The following MRPL32 variants were observed in gnomAD, a reference collection of about 807,000 sequenced individuals.
The protein encoded by MRPL32 is large ribosomal subunit protein bL32m.
In MRPL32, 14 loss-of-function variants were observed where a neutral mutation model predicts 21.7. The observed-to-expected ratio is 0.64, with a 90% CI of 0.43 to 1.01. The LOEUF (loss-of-function observed/expected upper bound fraction) is 1.01, where lower values mean the gene tolerates loss of function less well. Among genes scored for constraint, MRPL32 ranks in the 50% least tolerant of loss-of-function variants. The probability of loss-of-function intolerance (pLI) is 0.00; values close to 1 mark genes in which losing one functional copy is unlikely to be tolerated. For missense variants in MRPL32, 211 were observed against 235.9 expected (o/e 0.89, Z 0.69); for synonymous variants, 83 against 87.7 (o/e 0.95, Z 0.30).
chr7:42,937,222 C>T (rs1426707938), intron 2 of MRPL32, 100 bp from the exon 3 acceptor site: 1 of 1,604,894 alleles, frequency 6.2e-7, no homozygotes. Flanking sequence ...GTAGCCTGAA[C>T]ATCCTAAGAA....
chr7:42,936,688 C>CTA (rs1491074878), intron 2 of MRPL32: 1 of 147,798 alleles, frequency 6.8e-6, no homozygotes, highest in Admixed American at 6.8e-5. Context: ...ATATCTATCT[C>CTA]TATATATATA....
intron 1 of MRPL32, among the ~76,000 whole-genome samples, chr7:42,933,304 A>G (rs1265926695): frequency 4.6e-5 from 7 of 152,164 alleles, no homozygotes; most frequent in Non-Finnish European, 8.8e-5. Flanking sequence ...TTATGCTGCT[A>G]GAAACTATGC....
rs746793260 is a variant in MRPL32 at position 42,935,169 on chromosome 7, C to T, written c.312+33C>T. The stretch of plus-strand genomic sequence containing the variant: ...ATTGATTTTTGTGGGTGTGCTTTTC[C>T]TCAAGTCCTCCATTGAATAAGCTCA... On this transcript the variant is annotated intron_variant, in intron 2 of 2. Transcript: ENST00000223324. 3.8e-6 allele frequency: 6 copies of T among 1,573,150 alleles called. No individual in the cohort carries two copies. The Admixed American group carries it at 7.1e-5, about 19-fold the overall frequency.
chr7:42,932,883 C>T (rs1404924718), intron 1 of MRPL32, among the ~76,000 whole-genome samples: 1 of 151,842 alleles, frequency 6.6e-6, no homozygotes, highest in Non-Finnish European at 1.5e-5. Context: ...TGACTTTGGG[C>T]GTTTTAAAGG....
At chr7:42,934,741 G>A (rs598810) in intron 1 of MRPL32, among the ~76,000 whole-genome samples, 135,777 of 152,232 alleles carry the variant, frequency 0.89, 60,773 homozygotes, top group East Asian at 1. Flanking sequence ...AGCAGGATCC[G>A]CTAAGAAAAA....
intron 2 of MRPL32, chr7:42,936,276 G>C (rs1440756027): frequency 6.6e-6 from 1 of 152,158 alleles, no homozygotes; most frequent in Non-Finnish European, 1.5e-5. Flanking sequence ...TTCTTATCCT[G>C]TGCATTTATT....
chr7:42,932,662 A>G, intron 1 of MRPL32, 146 bp downstream of exon 1: 1 of 761,530 alleles, frequency 1.3e-6, no homozygotes. Flanking sequence ...TTCCCATATT[A>G]GCGAGAACAG....
intron 2 of MRPL32, chr7:42,937,101 C>T: frequency 1.8e-6 from 2 of 1,092,768 alleles, no homozygotes; most frequent in Non-Finnish European, 2.6e-6. Flanking sequence ...ATACCAGATT[C>T]AGGTTGGCTG....
At chr7:42,934,665 G>C (rs144103167) in intron 1 of MRPL32, among the ~76,000 whole-genome samples, 1 of 152,268 alleles carries the variant, frequency 6.6e-6, no homozygotes, top group South Asian at 2.1e-4. Flanking sequence ...TTCAAGTTAG[G>C]TGCCTATCAG....
chr7:42,933,722 C>A (rs1307711949), intron 1 of MRPL32, among the ~76,000 whole-genome samples: 2 of 152,052 alleles, frequency 1.3e-5, no homozygotes, highest in African/African-American at 4.8e-5. Context: ...AAATATATGC[C>A]ACTATATGCC....
rs1786451985 is a variant in MRPL32 at position 42,937,692 on chromosome 7, T to C, written c.*116T>C. ...CATCAGTATAGTTTAACACATTCTT[T>C]CTAAGCAGTTTTGTGTGGGATAATT... On this transcript the variant is annotated 3_prime_UTR_variant, in exon 3 of 3. Transcript: ENST00000223324. 3.5e-6 allele frequency: 4 copies of C among 1,147,782 alleles called. No individual in the cohort carries two copies. The highest frequency in any genetic ancestry group is 4.8e-6 in the Non-Finnish European group (4 of 841,760). 71.1% of individuals were successfully genotyped at this position (1,147,782 alleles called of 1,614,324 possible).
chr7:42,934,084 C>T (rs1786380995), intron 1 of MRPL32, among the ~76,000 whole-genome samples: 1 of 152,106 alleles, frequency 6.6e-6, no homozygotes, highest in Non-Finnish European at 1.5e-5. Flanking sequence ...GCCTGGCCAA[C>T]ATTGTGAAAC....
intron 1 of MRPL32, 48 bp from the exon 2 acceptor site, chr7:42,934,907 T>A: frequency 5.6e-6 from 8 of 1,428,294 alleles, no homozygotes; most frequent in Non-Finnish European, 6.6e-6. Flanking sequence ...TAAATAGTAA[T>A]TTAGAAGCTA....
At position 42,934,928 on chromosome 7, in the gene MRPL32, C is replaced by G; in HGVS notation, c.131-27C>G. 5 of 1,503,802 alleles carry G rather than the reference C, an allele frequency of 3.3e-6. No homozygotes were observed. In the South Asian group the frequency reaches 5.4e-5, roughly 16 times the overall value. 93.2% of individuals were successfully genotyped at this position (1,503,802 alleles called of 1,614,324 possible). On this transcript the variant is annotated intron_variant, in intron 1 of 2. Coordinates refer to ENST00000223324, the MANE Select transcript of MRPL32 (RefSeq NM_031903.3). ...GTAATTTAGAAGCTAGAAACTAATT[C>G]TGTATCTCTTATGTTTTATTTCCTA...
chr7:42,934,684 A>G (rs1192927246), intron 1 of MRPL32, among the ~76,000 whole-genome samples: 1 of 152,172 alleles, frequency 6.6e-6, no homozygotes, highest in Non-Finnish European at 1.5e-5. Context: ...AGAGTCCTGT[A>G]TTTTATGAGA....
intron 2 of MRPL32, chr7:42,936,829 G>T: frequency 4.2e-6 from 1 of 236,038 alleles, no homozygotes; most frequent in Non-Finnish European, 8.5e-6. Context: ...CCTGTATTCT[G>T]TACAGGAATT....
rs755119679 is a variant in MRPL32 at position 42,935,148 on chromosome 7, A to G, written c.312+12A>G. Reference sequence around the variant, plus strand: ...TTATTAAAGTTAAGGTAATGCATTGATTTTTGTGGGTGTGCTTTTCCTCAA... The same window carrying G: ...TTATTAAAGTTAAGGTAATGCATTGGTTTTTGTGGGTGTGCTTTTCCTCAA... On this transcript the variant is annotated intron_variant, in intron 2 of 2. Coordinates refer to ENST00000223324, the MANE Select transcript of MRPL32 (RefSeq NM_031903.3). 1 of 1,603,068 alleles carries G rather than the reference A, an allele frequency of 6.2e-7. No individual in the cohort carries two copies. Among genetic ancestry groups the G allele is most frequent in the South Asian group, 1.1e-5 (1 of 89,354 alleles).
At position 42,937,829 on chromosome 7, in the gene MRPL32, A is replaced by C; in HGVS notation, c.*253A>C. 1 of 315,522 alleles carries C rather than the reference A, an allele frequency of 3.2e-6. No homozygotes were observed. Among genetic ancestry groups the C allele is most frequent in the Non-Finnish European group, 5.7e-6 (1 of 175,388 alleles). The allele number at this position is 315,522 out of a possible 1,614,324, so 19.5% of individuals were successfully genotyped here. ...GTAAACATAAAATTTCCAGAACAAA[A>C]ATAAAAAATTTAAAATTCATAGCAA... is the stretch of plus-strand genomic sequence containing the variant. On this transcript the variant is annotated 3_prime_UTR_variant, in exon 3 of 3. Transcript: ENST00000223324.
chr7:42,932,562 C>T (rs1378892127), intron 1 of MRPL32, 46 bp downstream of exon 1: 1 of 1,544,766 alleles, frequency 6.5e-7, no homozygotes, highest in Admixed American at 2.0e-5. Context: ...ATGACGGGAC[C>T]TCGGGCAGCG....
Sources: allele counts gnomAD v4.1 joint callset (sites outside exome capture counted in the v4.1 genomes callset), GRCh38; gene constraint gnomAD v4.1.1; transcripts MANE v1.5; gene names NCBI Gene and HGNC (gene_info 2026-07-23, HGNC 2026-07-21).